Variants in USH2A observed in about 807,000 individuals in gnomAD.
USH2A encodes usherin.
USH2A carries 443 observed loss-of-function variants against 538.9 expected under a neutral mutation model. That is an observed-to-expected ratio of 0.82 (90% CI 0.76 to 0.89). USH2A has a LOEUF of 0.89. Ranked by LOEUF, USH2A falls within the 40% of genes least tolerant of loss-of-function variation. The pLI is 0.00. For synonymous variants in USH2A, 2,413 were observed against 2,273.5 expected, an observed-to-expected ratio of 1.06 and a Z score of -1.75; for missense variants, 6,633 against 6,324.8, an observed-to-expected ratio of 1.05 and a Z score of -1.65.
At chr1:216,191,088 G>A (rs2034707214) in intron 19 of USH2A, among the ~76,000 whole-genome samples, 1 of 152,030 alleles carries the variant, frequency 6.6e-6, no homozygotes, top group African/African-American at 2.4e-5. Context: ...AGTTGGTTCT[G>A]TCATTATAAT....
intron 21 of USH2A, among the ~76,000 whole-genome samples, chr1:216,102,657 G>A (rs936627115): frequency 2.0e-5 from 3 of 151,962 alleles, no homozygotes; most frequent in Non-Finnish European, 4.4e-5. Flanking sequence ...AAAATTAGCC[G>A]GGCGTCGTGG....
At chr1:216,192,055 T>C (rs2034727244) in intron 19 of USH2A, among the ~76,000 whole-genome samples, 1 of 152,084 alleles carries the variant, frequency 6.6e-6, no homozygotes, top group South Asian at 2.1e-4. Flanking sequence ...TTTATAAGTC[T>C]TATAAAATCT....
At chr1:215,764,947 T>G (rs765725716) in intron 56 of USH2A, among the ~76,000 whole-genome samples, 47 of 151,984 alleles carry the variant, frequency 3.1e-4, no homozygotes, top group South Asian at 1.2e-3. Context: ...TTTGCATGAT[T>G]ATTTGTGTTA....
At chr1:215,974,419 G>A (rs1667572270) in intron 35 of USH2A, among the ~76,000 whole-genome samples, 1 of 152,074 alleles carries the variant, frequency 6.6e-6, no homozygotes, top group African/African-American at 2.4e-5. Flanking sequence ...GTGATGCTGA[G>A]GTTTGGGATG....
chr1:216,366,806 T>G (rs948417796), intron 3 of USH2A, among the ~76,000 whole-genome samples: 1 of 152,310 alleles, frequency 6.6e-6, no homozygotes, highest in South Asian at 2.1e-4. Context: ...TCAAATCATA[T>G]ACCAAGTCCT....
intron 32 of USH2A, among the ~76,000 whole-genome samples, chr1:216,008,766 T>C (rs1014630998): frequency 3.9e-5 from 6 of 152,098 alleles, no homozygotes; most frequent in African/African-American, 1.4e-4. Context: ...CTTTCTCCTT[T>C]CCACTCTTCA....
rs1158820682 is a variant in USH2A at position 216,302,805 on chromosome 1, C to T, written c.1645-10435G>A. Among the ~76,000 whole-genome samples the T allele has an allele frequency of 4.6e-5, 7 of 151,948 alleles. No individual in the cohort carries two copies. In the East Asian group the frequency reaches 5.8e-4, roughly 13 times the overall value. ...TTATCCAATGAAACAAATTGTAATA[C>T]GTGACATAAAACCTATATTTAGAAA... On this transcript the variant is annotated intron_variant, in intron 9 of 71. Transcript: ENST00000307340.
rs1558027464 is a variant in USH2A, at chr1:215,627,434, TTCCTTCCTTCCTTCCTTCC to T, written c.15519+1361_15519+1379del. ...CTTCCTTCCTTCCTTCCTTCCTTCCTTCCTTCCTTCCTTCCTTCCTTCCTTCCTTCCTTCCTTCCTTCCT... is the reference window on the plus strand; with the variant it reads ...CTTCCTTCCTTCCTTCCTTCCTTCCTTTCCTTCCTTCCTTCCTTCCTTCCT... On this transcript the variant is annotated intron_variant, in intron 71 of 71. Transcript: ENST00000307340. Among the ~76,000 whole-genome samples the T allele has an allele frequency of 3.0e-4, 31 of 102,754 alleles. 1 individual carries two copies. The highest frequency in any genetic ancestry group is 6.6e-4 in the Admixed American group (7 of 10,582). The allele number at this position is 102,754 out of a possible 152,430, so 67.4% of individuals were successfully genotyped here.
intron 3 of USH2A, among the ~76,000 whole-genome samples, chr1:216,379,379 T>C (rs2038892246): frequency 6.6e-6 from 1 of 152,146 alleles, no homozygotes; most frequent in African/African-American, 2.4e-5. Context: ...TTCTTTTCCA[T>C]ACTTCACAGT....
rs1558231973 is a variant in USH2A, at chr1:216,050,616, T to TCTTTCTTTC, written c.6050-1970_6050-1969insGAAAGAAAG. Among the ~76,000 whole-genome samples the TCTTTCTTTC allele has an allele frequency of 2.1e-3, 100 of 47,478 alleles. 6 individuals carry two copies. The highest frequency in any genetic ancestry group is 3.0e-3 in the Non-Finnish European group (70 of 23,434). The allele number at this position is 47,478 out of a possible 152,430, so 31.1% of individuals were successfully genotyped here. ...TCTTTCTTTCTTTCTTTTTTTTTTT[T>TCTTTCTTTC]TTTTTTGAGACAGAGTCTCGCTCAG... On this transcript the variant is annotated intron_variant, in intron 30 of 71. Transcript: ENST00000307340.
At chr1:215,846,634 T>G (rs1663855856) in intron 44 of USH2A, among the ~76,000 whole-genome samples, 1 of 152,236 alleles carries the variant, frequency 6.6e-6, no homozygotes, top group South Asian at 2.1e-4. Context: ...ATTTTAATTT[T>G]GCTACTTATA....
intron 3 of USH2A, among the ~76,000 whole-genome samples, chr1:216,409,852 G>A (rs1044689259): frequency 6.6e-6 from 1 of 151,870 alleles, no homozygotes; most frequent in Non-Finnish European, 1.5e-5. Context: ...GATGCCAAAA[G>A]CAATGACAAA....
At chr1:215,653,234 C>T (rs1369765715) in intron 64 of USH2A, among the ~76,000 whole-genome samples, 1 of 152,042 alleles carries the variant, frequency 6.6e-6, no homozygotes, top group African/African-American at 2.4e-5. Flanking sequence ...GTGATTTAAT[C>T]CCTGGATTTT....
intron 9 of USH2A, among the ~76,000 whole-genome samples, chr1:216,314,419 A>C (rs955956253): frequency 6.6e-6 from 1 of 152,028 alleles, no homozygotes; most frequent in Non-Finnish European, 1.5e-5. Context: ...TATAAAAATG[A>C]ATTAATTTAC....
At chr1:216,034,959 A>G (rs893535447) in intron 32 of USH2A, among the ~76,000 whole-genome samples, 2 of 152,208 alleles carry the variant, frequency 1.3e-5, no homozygotes, top group South Asian at 2.1e-4. Flanking sequence ...GGGAAGTAAG[A>G]GATGTGATTG....
intron 18 of USH2A, among the ~76,000 whole-genome samples, chr1:216,198,028 C>T (rs2034890340): frequency 6.6e-6 from 1 of 152,088 alleles, no homozygotes; most frequent in Admixed American, 6.6e-5. Flanking sequence ...AAACCAAATG[C>T]TATTTTTGAC....
Position 215,900,845 on chromosome 1 carries a change from A to G in USH2A, c.7361T>C (p.Val2454Ala). ...GTTATTACGAGCTGGTGTAGACCAGACAACCTGAAGACTGGTTGGAGTGGC... is the reference window on the plus strand; with the variant it reads ...GTTATTACGAGCTGGTGTAGACCAGGCAACCTGAAGACTGGTTGGAGTGGC... ...SSATPTSLQV[V>A]WSTPARNNAP... Residue 2454 changes from valine to alanine, a missense_variant, in exon 39 of 72, where the codon GTC becomes GCC. Transcript: ENST00000307340. 2.5e-6 allele frequency: 4 copies of G among 1,613,818 alleles called. No homozygotes were observed. The highest frequency in any genetic ancestry group is 3.4e-6 in the Non-Finnish European group (4 of 1,179,802).
chr1:215,924,257 A>C (rs1571817241), intron 38 of USH2A, among the ~76,000 whole-genome samples: 1 of 152,162 alleles, frequency 6.6e-6, no homozygotes, highest in East Asian at 1.9e-4. Context: ...TGTTGTCAAA[A>C]TCTATTCTTC....
At chr1:216,203,613 TA>T (rs1004429326) in intron 16 of USH2A, among the ~76,000 whole-genome samples, 1 of 152,164 alleles carries the variant, frequency 6.6e-6, no homozygotes, top group African/African-American at 2.4e-5. Flanking sequence ...CCTGTCTCTA[TA>T]TCTTATATTT....
Sources: allele counts gnomAD v4.1 joint callset (sites outside exome capture counted in the v4.1 genomes callset), GRCh38; gene constraint gnomAD v4.1.1; transcripts MANE v1.5; gene names NCBI Gene and HGNC (gene_info 2026-07-23, HGNC 2026-07-21).